Variants in DACH2 observed in about 807,000 individuals in gnomAD.
DACH2 encodes dachshund homolog 2.
Under a neutral mutation model 35.8 loss-of-function variants are expected in DACH2, and 17 were observed. That is an observed-to-expected ratio of 0.48 (90% CI 0.33 to 0.71). DACH2 has a LOEUF of 0.71. Among genes scored for constraint, DACH2 ranks in the 30% least tolerant of loss-of-function variants. The pLI, the probability that DACH2 is intolerant of heterozygous loss-of-function variation, is 0.02. For missense variants in DACH2, 469 were observed against 472.7 expected (o/e 0.99, Z 0.07); for synonymous variants, 195 against 177.3 (o/e 1.10, Z -0.79).
At chrX:86,829,028 A>G (rs754260738) in intron 11 of DACH2, 7 of 112,131 alleles carry the variant, frequency 6.2e-5, no homozygotes, top group Non-Finnish European at 1.3e-4. Context: ...GAGGTTCCCC[A>G]TGGCAGTACA....
intron 1 of DACH2, among the ~76,000 whole-genome samples, chrX:86,242,878 G>A (rs2033197223): frequency 9.0e-6 from 1 of 111,489 alleles, no homozygotes; most frequent in African/African-American, 3.3e-5. Flanking sequence ...TTGGTAAGAT[G>A]TGCTTGCTTC....
At position 86,824,806 on chromosome X, in the gene DACH2, T is replaced by C. The variant is rs183423137; in HGVS notation, c.1751-7300T>C. 3.9e-3 allele frequency among the ~76,000 whole-genome samples: 437 copies of C among 112,120 alleles called. 6 individuals carry two copies. Among genetic ancestry groups the C allele is most frequent in the Non-Finnish European group, 5.4e-3 (289 of 53,233 alleles). ...ATAATGAGTGAGGAAAAACTCTCAA[T>C]AGAGAGAACTAATAAACCCTCAAAT... On this transcript the variant is annotated intron_variant, in intron 11 of 11. Coordinates refer to ENST00000373125, the MANE Select transcript of DACH2 (RefSeq NM_053281.3).
At chrX:86,676,987 C>A (rs2040831935) in intron 4 of DACH2, among the ~76,000 whole-genome samples, 2 of 110,943 alleles carry the variant, frequency 1.8e-5, no homozygotes, top group Non-Finnish European at 3.8e-5. Flanking sequence ...GAGATATTTA[C>A]AAATGAGATA....
chrX:86,610,060 C>T (rs919662264), intron 3 of DACH2, among the ~76,000 whole-genome samples: 3 of 111,806 alleles, frequency 2.7e-5, no homozygotes, highest in Non-Finnish European at 3.8e-5. Context: ...AACGAGGTCC[C>T]CTAGGCCTTG....
chrX:86,732,008 G>C (rs188250737), intron 6 of DACH2, among the ~76,000 whole-genome samples: 2 of 112,120 alleles, frequency 1.8e-5, no homozygotes, highest in Admixed American at 9.5e-5. Context: ...TCAAACTTCA[G>C]TTAATGAATT....
At chrX:86,651,744 C>A (rs1180194982) in intron 4 of DACH2, among the ~76,000 whole-genome samples, 1 of 111,189 alleles carries the variant, frequency 9.0e-6, no homozygotes, top group Non-Finnish European at 1.9e-5. Flanking sequence ...TTGTTTCTTT[C>A]TTTTACCCCG....
At chrX:86,506,606 G>C (rs1406417420) in intron 2 of DACH2, among the ~76,000 whole-genome samples, 1 of 110,383 alleles carries the variant, frequency 9.1e-6, no homozygotes, top group Non-Finnish European at 1.9e-5. Context: ...TGTTGCGCAG[G>C]CTCGTCTCAA....
At chrX:86,521,049 C>T (rs969165108) in intron 3 of DACH2, among the ~76,000 whole-genome samples, 10 of 111,622 alleles carry the variant, frequency 9.0e-5, no homozygotes, top group Non-Finnish European at 1.9e-4. Flanking sequence ...GGTCTTCCCT[C>T]GCTTTGCTTA....
chrX:86,585,832 A>T (rs1046612553), intron 3 of DACH2, among the ~76,000 whole-genome samples: 2 of 111,382 alleles, frequency 1.8e-5, no homozygotes, highest in African/African-American at 6.5e-5. Context: ...ATTTAGGTTG[A>T]TTGCATATCT....
At chrX:86,240,937 G>A (rs917719677) in intron 1 of DACH2, among the ~76,000 whole-genome samples, 1 of 111,325 alleles carries the variant, frequency 9.0e-6, no homozygotes, top group South Asian at 3.8e-4. Flanking sequence ...GTTTCCTGAG[G>A]CCTCCTAGCC....
At chrX:86,341,640 T>G (rs1387851601) in intron 1 of DACH2, among the ~76,000 whole-genome samples, 1 of 112,254 alleles carries the variant, frequency 8.9e-6, no homozygotes, top group African/African-American at 3.2e-5. Flanking sequence ...TAGATAGTGA[T>G]TCATCTGATG....
intron 1 of DACH2, among the ~76,000 whole-genome samples, chrX:86,300,376 T>G (rs1255831487): frequency 8.9e-6 from 1 of 111,985 alleles, no homozygotes; most frequent in African/African-American, 3.2e-5. Flanking sequence ...TGAGAAAGAC[T>G]TGTTTTTAAA....
At position 86,593,403 on chromosome X, in the gene DACH2, A is replaced by T. The variant is rs1313563614; in HGVS notation, c.641-57633A>T. ...AATTCTTTCATATATATATTTTTTTATTTTATTTTATTTTATTTTATTTTA... is the reference window on the plus strand; with the variant it reads ...AATTCTTTCATATATATATTTTTTTTTTTTATTTTATTTTATTTTATTTTA... On this transcript the variant is annotated intron_variant, in intron 3 of 11. Transcript: ENST00000373125. 5.8e-5 allele frequency among the ~76,000 whole-genome samples: 3 copies of T among 51,679 alleles called. No homozygotes were observed. The East Asian group carries it at 3.2e-3, about 56-fold the overall frequency. The allele number at this position is 51,679 out of a possible 115,157, so 44.9% of individuals were successfully genotyped here.
chrX:86,234,024 A>G (rs763804990), intron 1 of DACH2, among the ~76,000 whole-genome samples: 2 of 112,372 alleles, frequency 1.8e-5, no homozygotes, highest in South Asian at 7.4e-4. Context: ...GAAATGCTTT[A>G]TTGGAAAATG....
At chrX:86,683,615 T>C (rs943215667) in intron 4 of DACH2, among the ~76,000 whole-genome samples, 6 of 111,871 alleles carry the variant, frequency 5.4e-5, no homozygotes, top group South Asian at 7.5e-4. Flanking sequence ...TTGGGGTCAC[T>C]AGTGGTCTTC....
chrX:86,294,814 C>G (rs1279407454), intron 1 of DACH2, among the ~76,000 whole-genome samples: 1 of 108,615 alleles, frequency 9.2e-6, no homozygotes, highest in Non-Finnish European at 1.9e-5. Flanking sequence ...AGAACCACTG[C>G]TCTCTTCAAA....
intron 1 of DACH2, among the ~76,000 whole-genome samples, chrX:86,162,006 A>G (rs1021455626): frequency 8.9e-6 from 1 of 112,276 alleles, no homozygotes; most frequent in African/African-American, 3.2e-5. Context: ...TAAAGCTTTC[A>G]TTATTCTTTA....
chrX:86,340,222 C>A lies in DACH2; in HGVS notation c.489-36602C>A, dbSNP rs185708364. 1.5e-4 allele frequency among the ~76,000 whole-genome samples: 17 copies of A among 111,101 alleles called. No individual in the cohort carries two copies. The East Asian group carries it at 4.8e-3, about 32-fold the overall frequency. On this transcript the variant is annotated intron_variant, in intron 1 of 11. Transcript: ENST00000373125. ...TTACAAATTAAAGGTTTGTGGCAACCCCGGATCAAACAAGTCTATCAGTGC... is the reference window on the plus strand; with the variant it reads ...TTACAAATTAAAGGTTTGTGGCAACACCGGATCAAACAAGTCTATCAGTGC...
At chrX:86,277,193 T>C (rs948173910) in intron 1 of DACH2, among the ~76,000 whole-genome samples, 10 of 111,855 alleles carry the variant, frequency 8.9e-5, no homozygotes, top group Non-Finnish European at 3.8e-5. Flanking sequence ...TGATGTCTTC[T>C]TTAATTTCTT....
Sources: gnomAD v4.1 joint callset for allele counts (sites outside exome capture counted in the v4.1 genomes callset) on GRCh38, gnomAD v4.1.1 for gene constraint, MANE v1.5 for transcripts, NCBI Gene and HGNC (gene_info 2026-07-23, HGNC 2026-07-21) for gene names.